The following GUCY2F variants were observed in gnomAD, a reference collection of about 807,000 sequenced individuals.
The protein encoded by GUCY2F is retinal guanylyl cyclase 2.
In GUCY2F, 61 loss-of-function variants were observed where a neutral mutation model predicts 73.1. The ratio of observed to expected loss-of-function variants is 0.83; its 90% CI spans 0.68 to 1.03. GUCY2F has a LOEUF of 1.03. Among genes scored for constraint, GUCY2F ranks in the 50% least tolerant of loss-of-function variants. The pLI is 0.00. For synonymous variants in GUCY2F, 331 were observed against 307.8 expected (o/e 1.08, Z -0.79); for missense variants, 912 against 854.3 (o/e 1.07, Z -0.84).
At chrX:109,459,394 A>C (rs1368596832) in intron 3 of GUCY2F, among the ~76,000 whole-genome samples, 1 of 111,409 alleles carries the variant, frequency 9.0e-6, no homozygotes, top group African/African-American at 3.3e-5. Flanking sequence ...GGTGAGGCCA[A>C]ACACTAAAAG....
intron 7 of GUCY2F, among the ~76,000 whole-genome samples, chrX:109,439,945 A>G (rs908011109): frequency 8.1e-5 from 9 of 111,579 alleles, no homozygotes; most frequent in African/African-American, 2.9e-4. Context: ...CACTCACAGC[A>G]ATCAAGACTT....
In GUCY2F at chrX:109,473,321, T is replaced by C. The variant is rs764461814; in HGVS notation, c.730+1886A>G. Reference sequence around the variant, plus strand: ...ATTCCCTTAGTGAGCAGATCTGTACTGTAATAAAGAAAACAATCTGACTAA... The same window carrying C: ...ATTCCCTTAGTGAGCAGATCTGTACCGTAATAAAGAAAACAATCTGACTAA... On this transcript the variant is annotated intron_variant, in intron 2 of 19. Coordinates refer to ENST00000218006, the MANE Select transcript of GUCY2F (RefSeq NM_001522.3). Among the ~76,000 whole-genome samples, 8 of 111,820 alleles carry C rather than the reference T, an allele frequency of 7.2e-5. 1 individual carries two copies. The South Asian group carries it at 3.0e-3, about 42-fold the overall frequency.
intron 10 of GUCY2F, among the ~76,000 whole-genome samples, chrX:109,400,950 T>C (rs1224252393): frequency 8.9e-6 from 1 of 112,161 alleles, no homozygotes; most frequent in African/African-American, 3.2e-5. Flanking sequence ...TGCTTCTTTT[T>C]GGCATCCTTT....
chrX:109,387,642 A>AT (rs1338382975), intron 15 of GUCY2F, among the ~76,000 whole-genome samples: 13 of 112,054 alleles, frequency 1.2e-4, no homozygotes, highest in Middle Eastern at 4.6e-3. Context: ...ATAAGGGACA[A>AT]TTAGAGACAA....
chrX:109,417,416 TA>T (rs1180597953), intron 8 of GUCY2F, among the ~76,000 whole-genome samples: 2 of 111,392 alleles, frequency 1.8e-5, no homozygotes, highest in Admixed American at 1.9e-4. Flanking sequence ...ATATTAATTC[TA>T]AGAAGACTAT....
At chrX:109,425,196 G>A (rs1931455777) in intron 8 of GUCY2F, among the ~76,000 whole-genome samples, 2 of 111,358 alleles carry the variant, frequency 1.8e-5, no homozygotes, top group Admixed American at 1.9e-4. Context: ...TCCCACTACT[G>A]GATATCTACC....
rs1304869700 is a variant in GUCY2F at position 109,475,372 on chromosome X, C to T, written c.565G>A (p.Gly189Arg). ...VMKYFQWAHA[G>R]VISSDEDIWV... is the part of the protein sequence containing the mutation. Reference sequence around the variant, plus strand: ...ATGTCTTCATCTGAGGAAATGACTCCAGCATGAGCCCACTGGAAATATTTC... The same window carrying T: ...ATGTCTTCATCTGAGGAAATGACTCTAGCATGAGCCCACTGGAAATATTTC... The change falls in exon 2 of 20, where the codon GGA becomes AGA. Residue 189 changes from glycine to arginine, a missense_variant. Coordinates refer to ENST00000218006, the MANE Select transcript of GUCY2F (RefSeq NM_001522.3). The T allele has an allele frequency of 8.3e-7, 1 of 1,210,753 alleles. No homozygotes were observed. The highest frequency in any genetic ancestry group is 1.8e-5 in the South Asian group (1 of 56,950).
intron 5 of GUCY2F, among the ~76,000 whole-genome samples, chrX:109,451,038 C>T (rs1445507434): frequency 2.7e-5 from 3 of 112,056 alleles, no homozygotes; most frequent in Admixed American, 9.5e-5. Context: ...CCTACCAATC[C>T]ATGACATATT....
intron 15 of GUCY2F, among the ~76,000 whole-genome samples, chrX:109,388,230 G>A (rs1930480071): frequency 9.0e-6 from 1 of 111,449 alleles, no homozygotes; most frequent in African/African-American, 3.3e-5. Flanking sequence ...TTGTAGCATA[G>A]TCAAACATGG....
At chrX:109,460,878 T>C (rs1011704428) in intron 3 of GUCY2F, among the ~76,000 whole-genome samples, 2 of 111,902 alleles carry the variant, frequency 1.8e-5, no homozygotes, top group African/African-American at 6.5e-5. Context: ...GACAGGATTT[T>C]ACAGCCTTAT....
Position 109,459,993 on chromosome X carries a change from G to C in GUCY2F, c.1032+5149C>G, listed in dbSNP as rs769149762. Among the ~76,000 whole-genome samples, 4 of 111,367 alleles carry C rather than the reference G, an allele frequency of 3.6e-5. No homozygotes were observed. In the South Asian group the frequency reaches 1.5e-3, roughly 41 times the overall value. ...ATACTATATTGATAACAACAAGAAT[G>C]AACTCTTGGAAATTAAAAATATAAC... On this transcript the variant is annotated intron_variant, in intron 3 of 19. Coordinates refer to ENST00000218006, the MANE Select transcript of GUCY2F (RefSeq NM_001522.3).
intron 3 of GUCY2F, among the ~76,000 whole-genome samples, chrX:109,460,618 G>A (rs759392219): frequency 8.9e-6 from 1 of 111,783 alleles, no homozygotes; most frequent in Non-Finnish European, 1.9e-5. Context: ...TACAGGATGT[G>A]CTCCACAAAA....
intron 6 of GUCY2F, among the ~76,000 whole-genome samples, chrX:109,447,181 T>C (rs967026541): frequency 5.4e-5 from 6 of 112,015 alleles, no homozygotes; most frequent in Admixed American, 1.9e-4. Context: ...ATTGGTGGGA[T>C]GTAAACTAGT....
intron 6 of GUCY2F, among the ~76,000 whole-genome samples, chrX:109,441,771 G>T (rs991960663): frequency 9.1e-6 from 1 of 109,304 alleles, no homozygotes; most frequent in Admixed American, 9.8e-5. Context: ...AATTTAATCT[G>T]GGACCCTCAC....
At chrX:109,457,420 A>G (rs1025960600) in intron 3 of GUCY2F, among the ~76,000 whole-genome samples, 1 of 112,041 alleles carries the variant, frequency 8.9e-6, no homozygotes, top group South Asian at 3.8e-4. Flanking sequence ...TGGCACATCA[A>G]TTTTGAACAA....
intron 5 of GUCY2F, 37 bp from the exon 6 acceptor site, chrX:109,448,202 T>C: frequency 1.4e-6 from 1 of 707,375 alleles, no homozygotes; most frequent in Admixed American, 2.3e-5. Context: ...CACAAGGGAC[T>C]GGGTGTTTTG....
intron 15 of GUCY2F, among the ~76,000 whole-genome samples, chrX:109,387,234 T>C (rs1409120557): frequency 8.9e-6 from 1 of 111,816 alleles, no homozygotes; most frequent in Admixed American, 9.5e-5. Flanking sequence ...TAAAGAGTGT[T>C]CAAGACTTAG....
chrX:109,378,770 G>C (rs1875564744), intron 17 of GUCY2F, among the ~76,000 whole-genome samples: 1 of 111,823 alleles, frequency 8.9e-6, no homozygotes, highest in Non-Finnish European at 1.9e-5. Flanking sequence ...AGTTCAGAAA[G>C]TGCCCACTTC....
chrX:109,438,851 A>G (rs1262312226), intron 7 of GUCY2F, among the ~76,000 whole-genome samples: 1 of 112,726 alleles, frequency 8.9e-6, no homozygotes, highest in Non-Finnish European at 1.9e-5. Context: ...CCCTGACTCC[A>G]CAGTTCTGCT....
Sources: allele counts gnomAD v4.1 joint callset (sites outside exome capture counted in the v4.1 genomes callset), GRCh38; gene constraint gnomAD v4.1.1; transcripts MANE v1.5; gene names NCBI Gene and HGNC (gene_info 2026-07-23, HGNC 2026-07-21).